The following MSI2 variants were observed in gnomAD, a reference collection of about 807,000 sequenced individuals.
The protein encoded by MSI2 is musashi RNA binding protein 2.
MSI2 carries 17 observed loss-of-function variants against 45.6 expected under a neutral mutation model. The ratio of observed to expected loss-of-function variants is 0.37; its 90% CI spans 0.26 to 0.56. The LOEUF (loss-of-function observed/expected upper bound fraction) is 0.56. Ranked by LOEUF, MSI2 falls within the 20% of genes least tolerant of loss-of-function variation. MSI2 has a pLI of 0.77. For synonymous variants in MSI2, 156 were observed against 158.2 expected (o/e 0.99, Z 0.11); for missense variants, 293 against 444.2 (o/e 0.66, Z 3.06).
chr17:57,270,434 C>T (rs901642157), intron 5 of MSI2, among the ~76,000 whole-genome samples: 1 of 152,184 alleles, frequency 6.6e-6, no homozygotes, highest in Admixed American at 6.5e-5. Context: ...CATGAGTGGG[C>T]AGAGTTGAGG....
At chr17:57,532,688 A>G (rs2086846098) in intron 7 of MSI2, among the ~76,000 whole-genome samples, 1 of 152,140 alleles carries the variant, frequency 6.6e-6, no homozygotes, top group African/African-American at 2.4e-5. Context: ...CCCCAAACTT[A>G]CCTTCACCTC....
chr17:57,447,861 CA>C (rs952959750), intron 6 of MSI2, among the ~76,000 whole-genome samples: 26 of 152,280 alleles, frequency 1.7e-4, no homozygotes, highest in Non-Finnish European at 2.9e-4. Flanking sequence ...TGAACCATGA[CA>C]GGGGTGGAGA....
intron 6 of MSI2, among the ~76,000 whole-genome samples, chr17:57,475,914 A>G (rs1303938964): frequency 6.6e-6 from 1 of 152,176 alleles, no homozygotes; most frequent in African/African-American, 2.4e-5. Flanking sequence ...TCCCCCAGAA[A>G]TCCTTGGTTA....
At chr17:57,638,698 T>G (rs1910021614) in intron 10 of MSI2, among the ~76,000 whole-genome samples, 1 of 152,188 alleles carries the variant, frequency 6.6e-6, no homozygotes. Context: ...GAGACCAGCC[T>G]GGGCAACATA....
At chr17:57,315,370 A>G (rs973039914) in intron 5 of MSI2, among the ~76,000 whole-genome samples, 16 of 151,590 alleles carry the variant, frequency 1.1e-4, no homozygotes, top group African/African-American at 3.9e-4. Flanking sequence ...CTCAAGGACC[A>G]CAGACGTGGG....
chr17:57,583,819 A>C (rs2088272638), intron 7 of MSI2, among the ~76,000 whole-genome samples: 1 of 152,150 alleles, frequency 6.6e-6, no homozygotes, highest in Non-Finnish European at 1.5e-5. Flanking sequence ...GAGATTTTAA[A>C]ACATACAGAT....
intron 6 of MSI2, among the ~76,000 whole-genome samples, chr17:57,431,072 C>T (rs1485160284): frequency 6.6e-6 from 1 of 152,164 alleles, no homozygotes; most frequent in Non-Finnish European, 1.5e-5. Context: ...GGTGAAATGC[C>T]CTCAGTTGCT....
chr17:57,523,198 C>A (rs1030351914), intron 6 of MSI2, among the ~76,000 whole-genome samples: 1 of 152,154 alleles, frequency 6.6e-6, no homozygotes, highest in Non-Finnish European at 1.5e-5. Flanking sequence ...CAAGCACACA[C>A]CACAACGCCC....
the MSI2 span, among the ~76,000 whole-genome samples, chr17:57,696,070 A>C: frequency 1.3e-5 from 2 of 152,218 alleles, no homozygotes; most frequent in Non-Finnish European, 2.9e-5. Flanking sequence ...GTTTCAAAAT[A>C]GGAATTTGGG....
chr17:57,351,192 C>A lies in MSI2; in HGVS notation c.313-50187C>A, dbSNP rs550088032. 3.3e-5 allele frequency among the ~76,000 whole-genome samples: 5 copies of A among 152,154 alleles called. No homozygotes were observed. In the South Asian group the frequency reaches 1.0e-3, roughly 32 times the overall value. On this transcript the variant is annotated intron_variant, in intron 5 of 13. Transcript: ENST00000284073. ...GACCATTCTAGGGAGGTCAGTCTTG[C>A]AAGGCACAAGCAGGGAGGAAAAGAG...
intron 7 of MSI2, among the ~76,000 whole-genome samples, chr17:57,575,147 T>TCCCCCCACCCC (rs371180511): frequency 8.4e-6 from 1 of 119,544 alleles, no homozygotes; most frequent in Non-Finnish European, 1.7e-5. Flanking sequence ...CTTTTTTAAC[T>TCCCCCCACCCC]CCCTCCCCCC....
intron 10 of MSI2, among the ~76,000 whole-genome samples, chr17:57,634,113 G>C (rs1228062767): frequency 6.6e-6 from 1 of 152,220 alleles, no homozygotes; most frequent in African/African-American, 2.4e-5. Context: ...CTACCCAAGG[G>C]AGAGAGAAGC....
At chr17:57,694,550 C>T in the MSI2 span, among the ~76,000 whole-genome samples, 1 of 152,236 alleles carries the variant, frequency 6.6e-6, no homozygotes, top group Admixed American at 6.5e-5. Flanking sequence ...TTTTTCCAGG[C>T]TGTGGGGAAT....
intron 5 of MSI2, among the ~76,000 whole-genome samples, chr17:57,274,061 G>C (rs1016320170): frequency 4.6e-5 from 7 of 152,166 alleles, no homozygotes; most frequent in African/African-American, 1.7e-4. Context: ...TGACAGGAGA[G>C]ATTCAATAGA....
rs61454049 is a variant in MSI2 at position 57,346,348 on chromosome 17, T to TGG, written c.313-55021_313-55020dup. On this transcript the variant is annotated intron_variant, in intron 5 of 13. Transcript: ENST00000284073. ...CTTGAGACATGTAAATAACACATTTTGGGGGGGGGGGTCTGATTTTTTTCT... is the reference window on the plus strand; with the variant it reads ...CTTGAGACATGTAAATAACACATTTTGGGGGGGGGGGGGTCTGATTTTTTTCT... 6.6e-3 allele frequency among the ~76,000 whole-genome samples: 841 copies of TGG among 128,362 alleles called. 3 individuals carry two copies. The highest frequency in any genetic ancestry group is 9.3e-3 in the Non-Finnish European group (566 of 60,590). 84.2% of individuals were successfully genotyped at this position (128,362 alleles called of 152,430 possible). A position where few individuals can be genotyped will look rare whatever the true frequency, so the allele number is the denominator to read the frequency against.
chr17:57,485,781 G>A (rs1025541056), intron 6 of MSI2, among the ~76,000 whole-genome samples: 2 of 152,226 alleles, frequency 1.3e-5, no homozygotes, highest in African/African-American at 4.8e-5. Context: ...GACTATGAGT[G>A]TCAAAGGGAT....
intron 5 of MSI2, among the ~76,000 whole-genome samples, chr17:57,329,218 T>G (rs1336750882): frequency 1.3e-5 from 2 of 152,226 alleles, no homozygotes; most frequent in African/African-American, 4.8e-5. Context: ...GCAAAACAGC[T>G]CTACATTTTG....
At chr17:57,534,473 A>T (rs1403367585) in intron 7 of MSI2, among the ~76,000 whole-genome samples, 2 of 152,148 alleles carry the variant, frequency 1.3e-5, no homozygotes, top group Non-Finnish European at 2.9e-5. Context: ...GCACTTTGGG[A>T]GGCCGAGGCG....
intron 7 of MSI2, among the ~76,000 whole-genome samples, chr17:57,543,805 T>C (rs1443350747): frequency 1.3e-5 from 2 of 152,184 alleles, no homozygotes; most frequent in African/African-American, 2.4e-5. Flanking sequence ...GCCCATATGT[T>C]TTACAGCAGA....
Sources: gnomAD v4.1 joint callset for allele counts (sites outside exome capture counted in the v4.1 genomes callset) on GRCh38, gnomAD v4.1.1 for gene constraint, MANE v1.5 for transcripts, NCBI Gene and HGNC (gene_info 2026-07-23, HGNC 2026-07-21) for gene names.